The following PALM2AKAP2 variants were observed in gnomAD, a reference collection of about 807,000 sequenced individuals.
PALM2AKAP2 encodes PALM2 and AKAP2 fusion.
A neutral mutation model predicts 71.5 loss-of-function variants in PALM2AKAP2; 37 were observed. The observed-to-expected ratio is 0.52, with a 90% confidence interval of 0.40 to 0.68. The LOEUF is 0.68. Among genes scored for constraint, PALM2AKAP2 ranks in the 30% least tolerant of loss-of-function variants. The pLI, the probability that PALM2AKAP2 is intolerant of heterozygous loss-of-function variation, is 0.00. For synonymous variants in PALM2AKAP2, 468 were observed against 478.8 expected, an observed-to-expected ratio of 0.98 and a Z score of 0.29; for missense variants, 1,224 against 1,191.8, an observed-to-expected ratio of 1.03 and a Z score of -0.40.
chr9:109,662,304 T>C, intron 1 of PALM2AKAP2, among the ~76,000 whole-genome samples: 1 of 152,226 alleles, frequency 6.6e-6, no homozygotes, highest in Non-Finnish European at 1.5e-5. Flanking sequence ...GCTGTGGATT[T>C]GTCACAAATA....
Position 109,811,873 on chromosome 9 carries a change from A to T in PALM2AKAP2, c.45+31340A>T, listed in dbSNP as rs147159186. On this transcript the variant is annotated intron_variant, in intron 1 of 9. Coordinates refer to the PALM2AKAP2 transcript ENST00000302798. ...TAGGCATGAGCCACTGTACCCAGGT[A>T]TATTGTATTTTCTTAAAGCAAGTCA... Among the ~76,000 whole-genome samples, 7 of 152,352 alleles carry T rather than the reference A, an allele frequency of 4.6e-5. No individual in the cohort carries two copies. In the East Asian group the frequency reaches 1.3e-3, roughly 29 times the overall value.
intron 3 of PALM2AKAP2, among the ~76,000 whole-genome samples, chr9:110,160,617 G>A (rs1030152700): frequency 2.6e-5 from 4 of 152,194 alleles, no homozygotes; most frequent in Admixed American, 6.5e-5. Flanking sequence ...TAGGCAAACA[G>A]TATTTTTCCA....
intron 3 of PALM2AKAP2, among the ~76,000 whole-genome samples, chr9:109,921,205 C>T (rs560596575): frequency 2.0e-5 from 3 of 152,274 alleles, no homozygotes; most frequent in South Asian, 2.1e-4. Flanking sequence ...CACACCTTTG[C>T]GCAACTTAGC....
chr9:110,055,202 A>G (rs963112129), intron 1 of PALM2AKAP2, among the ~76,000 whole-genome samples: 1 of 148,294 alleles, frequency 6.7e-6, no homozygotes, highest in Non-Finnish European at 1.5e-5. Context: ...TTATTTATTT[A>G]TTTATTTTTT....
At chr9:109,803,099 T>TGG (rs554771912) in intron 1 of PALM2AKAP2, among the ~76,000 whole-genome samples, 239 of 145,514 alleles carry the variant, frequency 1.6e-3, no homozygotes, top group Non-Finnish European at 3.0e-3. Context: ...AACAGGTTTT[T>TGG]GGGGAAAAAA....
At chr9:110,122,278 C>T (rs1034265689) in intron 1 of PALM2AKAP2, among the ~76,000 whole-genome samples, 4 of 152,202 alleles carry the variant, frequency 2.6e-5, no homozygotes, top group South Asian at 2.1e-4. Context: ...TCGATTCTCC[C>T]GCTTCAGCCT....
intron 1 of PALM2AKAP2, among the ~76,000 whole-genome samples, chr9:109,724,590 G>T (rs1828449542): frequency 6.6e-6 from 1 of 152,208 alleles, no homozygotes; most frequent in South Asian, 2.1e-4. Context: ...ATAGTTAGCA[G>T]TGGTGATAGC....
intron 1 of PALM2AKAP2, among the ~76,000 whole-genome samples, chr9:109,769,140 C>T (rs1014516644): frequency 2.6e-5 from 4 of 152,038 alleles, no homozygotes; most frequent in African/African-American, 9.7e-5. Flanking sequence ...TTGTTTCTGC[C>T]TTATAAGAAC....
At chr9:110,040,254 C>T (rs984902212) in intron 7 of PALM2AKAP2, among the ~76,000 whole-genome samples, 4 of 152,164 alleles carry the variant, frequency 2.6e-5, no homozygotes, top group South Asian at 2.1e-4. Flanking sequence ...TATTATTCTC[C>T]GTATTTAAAT....
chr9:109,815,077 C>A (rs13300207), intron 1 of PALM2AKAP2, among the ~76,000 whole-genome samples: 24,702 of 152,080 alleles, frequency 0.16, 2,640 homozygotes, highest in East Asian at 0.35. Flanking sequence ...TAGGGATAGA[C>A]TGACATGAGA....
intron 1 of PALM2AKAP2, among the ~76,000 whole-genome samples, chr9:109,836,411 A>G (rs1828478139): frequency 6.6e-6 from 1 of 152,240 alleles, no homozygotes; most frequent in Admixed American, 6.5e-5. Flanking sequence ...GAGGTAGATA[A>G]AACCACAAAG....
intron 7 of PALM2AKAP2, chr9:110,025,430 T>C (rs1295166117): frequency 1.4e-6 from 1 of 690,832 alleles, no homozygotes; most frequent in Non-Finnish European, 2.6e-6. Context: ...CACAAGTTGA[T>C]GGATTTTGAG....
intron 6 of PALM2AKAP2, among the ~76,000 whole-genome samples, chr9:109,971,143 G>A (rs539832914): frequency 3.9e-5 from 6 of 152,096 alleles, no homozygotes; most frequent in Admixed American, 2.0e-4. Flanking sequence ...AGGAGGTTAG[G>A]GATCTTTATT....
chr9:110,098,605 T>C (rs1834918317), intron 1 of PALM2AKAP2, among the ~76,000 whole-genome samples: 1 of 152,098 alleles, frequency 6.6e-6, no homozygotes, highest in Non-Finnish European at 1.5e-5. Context: ...TCAAGGTGAG[T>C]GAATGGCAGA....
chr9:109,985,766 C>T (rs1398028216), intron 6 of PALM2AKAP2, among the ~76,000 whole-genome samples: 1 of 151,682 alleles, frequency 6.6e-6, no homozygotes, highest in African/African-American at 2.4e-5. Flanking sequence ...TCTCCTGCCT[C>T]AGCCACCTAA....
At chr9:109,833,003 C>T (rs1036754370) in intron 1 of PALM2AKAP2, among the ~76,000 whole-genome samples, 1 of 152,162 alleles carries the variant, frequency 6.6e-6, no homozygotes, top group Non-Finnish European at 1.5e-5. Flanking sequence ...TTTCCTCATG[C>T]GAGAGCTGTT....
At chr9:109,985,961 T>C (rs1456035422) in intron 6 of PALM2AKAP2, among the ~76,000 whole-genome samples, 1 of 152,216 alleles carries the variant, frequency 6.6e-6, no homozygotes, top group Non-Finnish European at 1.5e-5. Flanking sequence ...TTGAGTTTTC[T>C]TTTATTCCGG....
intron 1 of PALM2AKAP2, among the ~76,000 whole-genome samples, chr9:109,712,791 C>T (rs1564122002): frequency 6.6e-6 from 1 of 152,178 alleles, no homozygotes; most frequent in African/African-American, 2.4e-5. Flanking sequence ...TGGTCTCCAG[C>T]CATAGTTTCT....
chr9:110,140,075 C>T (rs116408263), intron 2 of PALM2AKAP2, among the ~76,000 whole-genome samples: 2,246 of 152,262 alleles, frequency 0.015, 27 homozygotes, highest in African/African-American at 0.027. Flanking sequence ...AATTAATATA[C>T]ATTTTGTAGG....
Sources: allele counts gnomAD v4.1 joint callset (sites outside exome capture counted in the v4.1 genomes callset), GRCh38; gene constraint gnomAD v4.1.1; transcripts MANE v1.5; gene names NCBI Gene and HGNC (gene_info 2026-07-23, HGNC 2026-07-21).